NXPE2: variants seen among roughly 807,000 people sequenced by gnomAD.
The protein encoded by NXPE2 is neurexophilin and PC-esterase domain family member 2, also known as NXPE family member 2.
Under a neutral mutation model 34.4 loss-of-function variants are expected in NXPE2, and 34 were observed. The ratio of observed to expected loss-of-function variants is 0.99; its 90% CI spans 0.75 to 1.31. NXPE2 has a LOEUF of 1.31. Among genes scored for constraint, NXPE2 ranks in the 40% most tolerant of loss-of-function variants. The probability of loss-of-function intolerance (pLI) is 0.00; values close to 1 mark genes in which losing one functional copy is unlikely to be tolerated. For synonymous variants in NXPE2, 235 were observed against 231.3 expected, an observed-to-expected ratio of 1.02 and a Z score of -0.15; for missense variants, 649 against 672.5, an observed-to-expected ratio of 0.97 and a Z score of 0.39.
upstream of NXPE2, among the ~76,000 whole-genome samples, chr11:114,677,250 T>A (rs1351834322): frequency 3.9e-5 from 6 of 152,042 alleles, no homozygotes; most frequent in East Asian, 5.8e-4. Context: ...ACTTGAAAAT[T>A]GCAAAGAGAC....
At chr11:114,711,338 C>G (rs1859609034), downstream of NXPE2, among the ~76,000 whole-genome samples, 1 of 152,050 alleles carries the variant, frequency 6.6e-6, no homozygotes, top group African/African-American at 2.4e-5. Context: ...TAAATTCTCT[C>G]TGTTCACAGA....
the NXPE2 span, among the ~76,000 whole-genome samples, chr11:114,569,442 T>A: frequency 6.6e-6 from 1 of 152,126 alleles, no homozygotes; most frequent in Non-Finnish European, 1.5e-5. Context: ...GCCGTGGAAT[T>A]TTTTCAAACA....
chr11:114,662,365 G>A, the NXPE2 span, among the ~76,000 whole-genome samples: 1 of 152,106 alleles, frequency 6.6e-6, no homozygotes, highest in Non-Finnish European at 1.5e-5. Flanking sequence ...AGCCAGAGGG[G>A]AATTACCCAT....
At chr11:114,590,981 A>T in the NXPE2 span, among the ~76,000 whole-genome samples, 5 of 152,314 alleles carry the variant, frequency 3.3e-5, no homozygotes, top group African/African-American at 7.2e-5. Context: ...TTCCTCCCCA[A>T]GAAAACTGGG....
chr11:114,519,225 C>CT, the NXPE2 span, among the ~76,000 whole-genome samples: 1 of 137,966 alleles, frequency 7.2e-6, no homozygotes, highest in Non-Finnish European at 1.5e-5. Flanking sequence ...ATGCTTTCCC[C>CT]CCGTTTGGCA....
At chr11:114,611,406 G>A in the NXPE2 span, among the ~76,000 whole-genome samples, 9 of 151,438 alleles carry the variant, frequency 5.9e-5, no homozygotes, top group Non-Finnish European at 1.3e-4. Flanking sequence ...GTTTCCCAGT[G>A]GATAATAAGT....
the NXPE2 span, among the ~76,000 whole-genome samples, chr11:114,598,301 G>C: frequency 9.9e-4 from 20 of 20,208 alleles, no homozygotes; most frequent in South Asian, 6.7e-3. Flanking sequence ...TGTGTTGAGT[G>C]CCTTTGGTTT....
At chr11:114,665,393 T>C in the NXPE2 span, among the ~76,000 whole-genome samples, 1 of 152,186 alleles carries the variant, frequency 6.6e-6, no homozygotes, top group Admixed American at 6.6e-5. Context: ...TTTAAAATTC[T>C]GTGAACATAG....
At chr11:114,776,455 G>C in the NXPE2 span, among the ~76,000 whole-genome samples, 3 of 152,232 alleles carry the variant, frequency 2.0e-5, no homozygotes, top group Non-Finnish European at 4.4e-5. Context: ...TGCTGTTGTG[G>C]AGAGACCTCT....
At chr11:114,498,471 A>G in the NXPE2 span, among the ~76,000 whole-genome samples, 1 of 152,056 alleles carries the variant, frequency 6.6e-6, no homozygotes, top group African/African-American at 2.4e-5. Flanking sequence ...AAAAACCATC[A>G]ATTAAAAAAT....
At chr11:114,492,334 C>G in the NXPE2 span, among the ~76,000 whole-genome samples, 2 of 151,694 alleles carry the variant, frequency 1.3e-5, no homozygotes, top group East Asian at 1.9e-4. Context: ...TAGTTTTATT[C>G]CATTGTTTTC....
At chr11:114,669,926 CA>C in the NXPE2 span, among the ~76,000 whole-genome samples, 1 of 151,958 alleles carries the variant, frequency 6.6e-6, no homozygotes, top group African/African-American at 2.4e-5. Context: ...TGCAAAAATT[CA>C]AAACATTGCA....
chr11:114,743,809 ATG>A, the NXPE2 span, among the ~76,000 whole-genome samples: 1 of 150,032 alleles, frequency 6.7e-6, no homozygotes, highest in African/African-American at 2.5e-5. Context: ...GTGTGTGTGT[ATG>A]TGTGTGTATA....
the NXPE2 span, among the ~76,000 whole-genome samples, chr11:114,545,310 A>T: frequency 6.6e-6 from 1 of 152,234 alleles, no homozygotes. Context: ...ACTGGAAGCA[A>T]CCAAGAGCTC....
At chr11:114,577,782 A>C in the NXPE2 span, among the ~76,000 whole-genome samples, 2 of 152,174 alleles carry the variant, frequency 1.3e-5, no homozygotes, top group Non-Finnish European at 2.9e-5. Context: ...ATAAAAAACA[A>C]GTAAACCCTA....
chr11:114,641,508 T>C, the NXPE2 span, among the ~76,000 whole-genome samples: 1 of 152,042 alleles, frequency 6.6e-6, no homozygotes, highest in East Asian at 1.9e-4. Context: ...GCCACCAAAT[T>C]ATATTGAGAG....
the NXPE2 span, among the ~76,000 whole-genome samples, chr11:114,574,453 A>T: frequency 2.8e-3 from 432 of 152,220 alleles, 5 homozygotes; most frequent in African/African-American, 9.3e-3. Context: ...TTGATAAACC[A>T]TTAGCAAGAT....
At chr11:114,633,197 T>C in the NXPE2 span, among the ~76,000 whole-genome samples, 1 of 129,982 alleles carries the variant, frequency 7.7e-6, no homozygotes, top group African/African-American at 3.0e-5. Flanking sequence ...TTTTATTATG[T>C]ATAAACATGT....
At chr11:114,563,324 TCTC>T in the NXPE2 span, among the ~76,000 whole-genome samples, 4 of 152,312 alleles carry the variant, frequency 2.6e-5, no homozygotes, top group African/African-American at 9.6e-5. Context: ...AATTTTACTT[TCTC>T]CTCATATGAG....
Sources: allele counts gnomAD v4.1 joint callset (sites outside exome capture counted in the v4.1 genomes callset), GRCh38; gene constraint gnomAD v4.1.1; transcripts MANE v1.5; gene names NCBI Gene and HGNC (gene_info 2026-07-23, HGNC 2026-07-21).